CDH6: variants seen among roughly 807,000 people sequenced by gnomAD.
CDH6 encodes cadherin-6.
Under a neutral mutation model 78.0 loss-of-function variants are expected in CDH6, and 31 were observed. That is an observed-to-expected ratio of 0.40 (90% CI 0.30 to 0.54). The LOEUF (loss-of-function observed/expected upper bound fraction) is 0.54, where lower values mean the gene tolerates loss of function less well. CDH6 is among the 20% of genes least tolerant of loss of function. CDH6 has a pLI of 0.56. For synonymous variants in CDH6, 376 were observed against 368.8 expected (o/e 1.02, Z -0.23); for missense variants, 724 against 975.9 (o/e 0.74, Z 3.44).
intron 1 of CDH6, among the ~76,000 whole-genome samples, chr5:31,230,567 T>C (rs1741285959): frequency 6.6e-6 from 1 of 152,172 alleles, no homozygotes; most frequent in African/African-American, 2.4e-5. Context: ...TTTAAGACCA[T>C]GAGTAATGTA....
Position 31,217,541 on chromosome 5 carries a change from ATCAGTTATT to A in CDH6, c.-129+23660_-129+23668del, listed in dbSNP as rs567227411. Reference sequence around the variant, plus strand: ...ACTCACAAGTGAACTGATTCAATCAATCAGTTATTTCAGGACTATTAATTGAGCACTTTA... The same window carrying A: ...ACTCACAAGTGAACTGATTCAATCAATCAGGACTATTAATTGAGCACTTTA... On this transcript the variant is annotated intron_variant, in intron 1 of 11. Transcript: ENST00000265071. Among the ~76,000 whole-genome samples, 1,040 of 152,308 alleles carry A rather than the reference ATCAGTTATT, an allele frequency of 6.8e-3. 16 individuals carry two copies. The highest frequency in any genetic ancestry group is 0.03 in the South Asian group (144 of 4,832).
intron 1 of CDH6, among the ~76,000 whole-genome samples, chr5:31,223,359 T>C (rs1741054635): frequency 6.6e-6 from 1 of 152,190 alleles, no homozygotes; most frequent in Admixed American, 6.5e-5. Flanking sequence ...GAATTTGTTG[T>C]CAAAAAAATT....
chr5:31,218,634 G>A (rs114121981), intron 1 of CDH6, among the ~76,000 whole-genome samples: 2,377 of 152,114 alleles, frequency 0.016, 67 homozygotes, highest in African/African-American at 0.054. Context: ...GCCCAAATAT[G>A]TCCAGAATCC....
chr5:31,255,296 T>C lies in CDH6; in HGVS notation c.-128-12050T>C, dbSNP rs573721010. On this transcript the variant is annotated intron_variant, in intron 1 of 11. Coordinates refer to ENST00000265071, the MANE Select transcript of CDH6 (RefSeq NM_004932.4). ...GCACTGTGACGGTGCCGTCGTTAAA[T>C]TAGAAATGGGGCGTCTTTGACAACT... Among the ~76,000 whole-genome samples, 102 of 152,352 alleles carry C rather than the reference T, an allele frequency of 6.7e-4. 2 individuals carry two copies. In the South Asian group the frequency reaches 0.016, roughly 24 times the overall value.
At chr5:31,209,654 G>C (rs1402606808) in intron 1 of CDH6, among the ~76,000 whole-genome samples, 1 of 152,152 alleles carries the variant, frequency 6.6e-6, no homozygotes, top group Non-Finnish European at 1.5e-5. Context: ...TGGACTATGA[G>C]TAAGAGAAAA....
chr5:31,307,640 T>C (rs12654407), intron 7 of CDH6, among the ~76,000 whole-genome samples: 24,489 of 152,206 alleles, frequency 0.16, 2,430 homozygotes, highest in Middle Eastern at 0.24. Context: ...ACAACTACTC[T>C]CTCTTGGAGT....
chr5:31,291,471 C>T (rs1743161077), intron 2 of CDH6, among the ~76,000 whole-genome samples: 1 of 152,224 alleles, frequency 6.6e-6, no homozygotes, highest in Non-Finnish European at 1.5e-5. Context: ...ATCTTCACAA[C>T]AGCCTGGCCA....
chr5:31,212,449 C>T lies in CDH6; in HGVS notation c.-129+18563C>T, dbSNP rs1245665531. ...ATTCCCATAATTCTACTCACTGAAA[C>T]GTGATTTGGCTGAAACCGTAATGTG... is the stretch of plus-strand genomic sequence containing the variant. On this transcript the variant is annotated intron_variant, in intron 1 of 11. Transcript: ENST00000265071. Among the ~76,000 whole-genome samples the T allele has an allele frequency of 1.3e-5, 2 of 152,094 alleles. 1 individual carries two copies. Among genetic ancestry groups the T allele is most frequent in the Admixed American group, 1.3e-4 (2 of 15,274 alleles).
chr5:31,288,964 G>T lies in CDH6; in HGVS notation c.229-4998G>T, dbSNP rs946342032. The stretch of plus-strand genomic sequence containing the variant: ...GTTTGGATTGTTTTTGTTGGGGGGA[G>T]AGGGGGTTCTTTTATTTAATTTTTA... On this transcript the variant is annotated intron_variant, in intron 2 of 11. Transcript: ENST00000265071. Among the ~76,000 whole-genome samples, 11 of 151,214 alleles carry T rather than the reference G, an allele frequency of 7.3e-5. 1 individual carries two copies. The South Asian group carries it at 1.7e-3, about 23-fold the overall frequency.
Position 31,324,109 on chromosome 5 carries a change from T to G in CDH6, c.*801T>G, listed in dbSNP as rs1273766924. 9.0e-6 allele frequency: 2 copies of G among 221,534 alleles called. No individual in the cohort carries two copies. Among genetic ancestry groups the G allele is most frequent in the Admixed American group, 5.8e-5 (1 of 17,356 alleles). The allele number at this position is 221,534 out of a possible 1,614,324, so 13.7% of individuals were successfully genotyped here. A position where few individuals can be genotyped will look rare whatever the true frequency, so the allele number is the denominator to read the frequency against. Reference sequence around the variant, plus strand: ...TACATTTAAAGTTTTGGCCACCACATGTATCACGGGTCACTTGAAATTCTT... The same window carrying G: ...TACATTTAAAGTTTTGGCCACCACAGGTATCACGGGTCACTTGAAATTCTT... On this transcript the variant is annotated 3_prime_UTR_variant, in exon 12 of 12. Coordinates refer to ENST00000265071, the MANE Select transcript of CDH6 (RefSeq NM_004932.4).
At chr5:31,283,215 A>T (rs1195712843) in intron 2 of CDH6, among the ~76,000 whole-genome samples, 4 of 152,192 alleles carry the variant, frequency 2.6e-5, no homozygotes, top group African/African-American at 9.7e-5. Flanking sequence ...AGCTCCCCAA[A>T]CAGTTACCTA....
Position 31,327,206 on chromosome 5 carries a change from C to A in CDH6, c.*3898C>A, listed in dbSNP as rs149086894. On this transcript the variant is annotated 3_prime_UTR_variant, in exon 12 of 12. Coordinates refer to ENST00000265071, the MANE Select transcript of CDH6 (RefSeq NM_004932.4). ...ACTTGGACAATTCTATATACTCAAG[C>A]ACCATAAAAAGTATGCAGTTGAAAA... 1.3e-3 allele frequency: 249 copies of A among 186,884 alleles called. 3 individuals are homozygous for A. Among genetic ancestry groups the A allele is most frequent in the African/African-American group, 3.0e-3 (127 of 42,870 alleles). The allele number at this position is 186,884 out of a possible 1,614,324, so 11.6% of individuals were successfully genotyped here. A position where few individuals can be genotyped will look rare whatever the true frequency, so the allele number is the denominator to read the frequency against.
intron 2 of CDH6, among the ~76,000 whole-genome samples, chr5:31,279,444 T>G (rs1454040237): frequency 1.3e-5 from 2 of 152,042 alleles, no homozygotes. Flanking sequence ...CCAGGCGTGG[T>G]GGCATGCACC....
intron 2 of CDH6, among the ~76,000 whole-genome samples, chr5:31,290,086 G>A (rs1743116239): frequency 6.6e-6 from 1 of 152,038 alleles, no homozygotes; most frequent in South Asian, 2.1e-4. Context: ...GTAAAACTCT[G>A]TCTCTACTAA....
At chr5:31,202,972 T>A (rs1387979374) in intron 1 of CDH6, among the ~76,000 whole-genome samples, 1 of 151,980 alleles carries the variant, frequency 6.6e-6, no homozygotes, top group African/African-American at 2.4e-5. Context: ...TAATTACCAA[T>A]GCAAAATGAT....
At chr5:31,312,544 A>G (rs1299790428) in intron 7 of CDH6, among the ~76,000 whole-genome samples, 1 of 152,218 alleles carries the variant, frequency 6.6e-6, no homozygotes, top group Non-Finnish European at 1.5e-5. Context: ...ACAAAAAATT[A>G]GCAGGGCATG....
At chr5:31,239,456 C>T (rs986476462) in intron 1 of CDH6, among the ~76,000 whole-genome samples, 2 of 152,150 alleles carry the variant, frequency 1.3e-5, no homozygotes, top group African/African-American at 4.8e-5. Context: ...TGGAAGTTTA[C>T]TTCTCCGCTT....
intron 1 of CDH6, among the ~76,000 whole-genome samples, chr5:31,203,581 CA>C (rs1740431040): frequency 6.8e-6 from 1 of 147,914 alleles, no homozygotes; most frequent in Admixed American, 6.8e-5. Context: ...ATGAACTCAT[CA>C]TTTTTTATGG....
At position 31,323,121 on chromosome 5, in the gene CDH6, C is replaced by T. The variant is rs749778235; in HGVS notation, c.2186C>T (p.Ala729Val). 4.3e-6 allele frequency: 7 copies of T among 1,614,030 alleles called. No individual in the cohort carries two copies. The Admixed American group carries it at 5.0e-5, about 12-fold the overall frequency. ...RLKENDTDPT[A>V]PPYDSLATYA... ...AAGGAAAATGACACGGACCCCACTG[C>T]CCCGCCATACGACTCCTTGGCCACT... The change falls in exon 12 of 12, where the codon GCC becomes GTC. Residue 729 changes from alanine to valine, a missense_variant. Ala to Val is a moderately conservative substitution (Grantham distance 64). This residue lies in a region of CDH6 where 220 missense variants were observed against 240.6 expected (regional missense o/e 0.91). Transcript: ENST00000265071.
Sources: allele counts gnomAD v4.1 joint callset (sites outside exome capture counted in the v4.1 genomes callset), GRCh38; gene constraint gnomAD v4.1.1; regional missense constraint gnomAD v4.1.1; transcripts MANE v1.5; gene names NCBI Gene and HGNC (gene_info 2026-07-23, HGNC 2026-07-21).